Variants in PRKDC observed in about 807,000 individuals in gnomAD.
PRKDC encodes the protein protein kinase, DNA-activated, catalytic subunit.
PRKDC carries 82 observed loss-of-function variants against 486.9 expected under a neutral mutation model. The observed-to-expected ratio is 0.17, with a 90% CI of 0.14 to 0.20. PRKDC has a LOEUF of 0.20. PRKDC is among the 10% of genes least tolerant of loss of function. The pLI is 1.00. For synonymous variants in PRKDC, 1,895 were observed against 1,837.0 expected (o/e 1.03, Z -0.81); for missense variants, 4,504 against 5,038.2 (o/e 0.89, Z 3.21).
intron 63 of PRKDC, 136 bp downstream of exon 63, chr8:47,826,520 G>A (rs1022555574): frequency 1.1e-6 from 1 of 894,082 alleles, no homozygotes; most frequent in Non-Finnish European, 1.7e-6. Context: ...CAGCCTGAAA[G>A]ACTTTTCTTT....
At position 47,904,074 on chromosome 8, in the gene PRKDC, C is replaced by CA. The variant is rs562322632; in HGVS notation, c.3042+794dup. 5.0e-3 allele frequency among the ~76,000 whole-genome samples: 753 copies of CA among 151,140 alleles called. 5 individuals are homozygous for CA. The highest frequency in any genetic ancestry group is 5.7e-3 in the Non-Finnish European group (383 of 67,702). On this transcript the variant is annotated intron_variant, in intron 26 of 85. Coordinates refer to ENST00000314191, the MANE Select transcript of PRKDC (RefSeq NM_006904.7). The stretch of plus-strand genomic sequence containing the variant: ...TCAAAATTTATAGTAAAATAAGCAT[C>CA]AAAAAAAAACTACAATTTAGCTGGC...
At chr8:47,951,128 G>C (rs950994834) in intron 7 of PRKDC, among the ~76,000 whole-genome samples, 1 of 152,184 alleles carries the variant, frequency 6.6e-6, no homozygotes, top group Non-Finnish European at 1.5e-5. Context: ...CAGCACTTTG[G>C]GAGGCCAAGG....
intron 51 of PRKDC, among the ~76,000 whole-genome samples, chr8:47,853,092 C>T (rs924191202): frequency 5.3e-5 from 8 of 152,302 alleles, no homozygotes; most frequent in African/African-American, 1.2e-4. Context: ...TCCAAGATCA[C>T]GGGACACTGA....
In PRKDC at chr8:47,890,992, G is replaced by GGT. The variant is rs529345640; in HGVS notation, c.3848-514_3848-513dup. ...CAAATTATGGAGCAGTCTTCAAGCAGGTGTGGACAGGCACCAGTCATCTTA... is the reference window on the plus strand; with the variant it reads ...CAAATTATGGAGCAGTCTTCAAGCAGGTGTGTGGACAGGCACCAGTCATCTTA... On this transcript the variant is annotated intron_variant, in intron 31 of 85. Coordinates refer to ENST00000314191, the MANE Select transcript of PRKDC (RefSeq NM_006904.7). Among the ~76,000 whole-genome samples the GGT allele has an allele frequency of 3.3e-4, 51 of 152,258 alleles. 1 individual carries two copies. The East Asian group carries it at 6.4e-3, about 19-fold the overall frequency.
rs1207910844 is a variant in PRKDC, at chr8:47,788,991, A to G, written c.10817T>C (p.Ile3606Thr). Residue 3606 changes from isoleucine (I) to threonine (T), a missense_variant, in exon 76 of 86, where the codon ATT becomes ACT. Ile to Thr is a moderately conservative substitution (Grantham distance 89). Around this residue, in one of 6 missense-constraint regions of PRKDC, gnomAD observed 706 missense variants for 945.0 expected, o/e 0.75. Transcript: ENST00000314191. ...LAKTPVNKKN[I>T]EKMYERMYAA... is the part of the protein sequence containing the mutation. ...ATACATTCTTTCATACATTTTTTCA[A>G]TGTTTTTTTTATTTACAGGGGTTTT... is the stretch of plus-strand genomic sequence containing the variant. 4 of 1,613,308 alleles carry G rather than the reference A, an allele frequency of 2.5e-6. No individual in the cohort carries two copies. Among genetic ancestry groups the G allele is most frequent in the African/African-American group, 1.3e-5 (1 of 74,884 alleles).
chr8:47,933,469 A>G (rs1051861067), intron 15 of PRKDC, among the ~76,000 whole-genome samples: 1 of 152,222 alleles, frequency 6.6e-6, no homozygotes, highest in Non-Finnish European at 1.5e-5. Flanking sequence ...ATTTACCCCA[A>G]TTAATCTGTG....
At chr8:47,901,831 C>T (rs925014358) in intron 27 of PRKDC, among the ~76,000 whole-genome samples, 3 of 152,028 alleles carry the variant, frequency 2.0e-5, no homozygotes, top group African/African-American at 4.8e-5. Flanking sequence ...ACACAATATT[C>T]CTAATAAGGA....
In PRKDC at chr8:47,897,174, A is replaced by G; in HGVS notation, c.3585T>C (p.Val1195=). ...HKSIELFYKF[V]PLLPGNRSPN... ...AGATTACCATACCTGGCAATAAAGGAACGAATTTATAAAAGAGTTCAATGG... is the reference window on the plus strand; with the variant it reads ...AGATTACCATACCTGGCAATAAAGGGACGAATTTATAAAAGAGTTCAATGG... The change falls in exon 30 of 86, where the codon GTT becomes GTC. Residue 1195 remains valine, a synonymous_variant. Coordinates refer to ENST00000314191, the MANE Select transcript of PRKDC (RefSeq NM_006904.7). 1 of 1,598,588 alleles carries G rather than the reference A, an allele frequency of 6.3e-7. No homozygotes were observed. Among genetic ancestry groups the G allele is most frequent in the Middle Eastern group, 1.7e-4 (1 of 6,002 alleles).
rs8178160 is a variant in PRKDC at position 47,854,262 on chromosome 8, G to T, written c.6762-48C>A. 1.1e-3 allele frequency: 1,817 copies of T among 1,588,192 alleles called. 30 individuals are homozygous for T. In the African/African-American group the frequency reaches 0.022, roughly 20 times the overall value. ...AAAATTGAGACTGTTGCATAATCAA[G>T]TAAGAAGCAGGAAGACAAATACAGA... On this transcript the variant is annotated intron_variant, in intron 50 of 85. Coordinates refer to ENST00000314191, the MANE Select transcript of PRKDC (RefSeq NM_006904.7).
At chr8:47,893,615 C>T (rs1157944340) in intron 30 of PRKDC, among the ~76,000 whole-genome samples, 1 of 152,212 alleles carries the variant, frequency 6.6e-6, no homozygotes, top group Non-Finnish European at 1.5e-5. Context: ...TAGCTGCATA[C>T]TAATACTCTT....
At chr8:47,805,582 G>T (rs890541861) in intron 69 of PRKDC, among the ~76,000 whole-genome samples, 2 of 152,132 alleles carry the variant, frequency 1.3e-5, no homozygotes, top group Non-Finnish European at 2.9e-5. Context: ...CATTACATGA[G>T]TTGTCTTTAT....
intron 66 of PRKDC, among the ~76,000 whole-genome samples, chr8:47,820,449 A>C (rs2087563028): frequency 6.6e-6 from 1 of 152,064 alleles, no homozygotes; most frequent in African/African-American, 2.4e-5. Context: ...AAGGTAACAA[A>C]AAGGAAAAAA....
chr8:47,820,749 G>A lies in PRKDC; in HGVS notation c.9306C>T (p.Tyr3102=), dbSNP rs2087573431. 6.3e-7 allele frequency: 1 copy of A among 1,580,950 alleles called. No individual in the cohort carries two copies. Among genetic ancestry groups the A allele is most frequent in the African/African-American group, 1.3e-5 (1 of 74,112 alleles). Residue 3102 remains tyrosine, a synonymous_variant, in exon 66 of 86, where the codon TAC becomes TAT. Coordinates refer to ENST00000314191, the MANE Select transcript of PRKDC (RefSeq NM_006904.7). ...TAAAACTCTGAATGCCATTTTGAAT[G>A]TAATATTTGGCTCTGTCAACATCAT... ...LQDDVDRAKY[Y]IQNGIQSFMQ...
intron 41 of PRKDC, among the ~76,000 whole-genome samples, chr8:47,864,157 G>A (rs1485336744): frequency 1.3e-5 from 2 of 152,196 alleles, no homozygotes; most frequent in African/African-American, 4.8e-5. Flanking sequence ...AGAAGGATGT[G>A]TAGGGAGATT....
At chr8:47,927,924 A>G (rs1183915070) in intron 19 of PRKDC, 34 bp from the exon 20 acceptor site, 1 of 1,428,878 alleles carries the variant, frequency 7.0e-7, no homozygotes, top group Non-Finnish European at 9.2e-7. Context: ...TGTATATCTG[A>G]ATAGAGCCTA....
At chr8:47,858,394 AT>A in intron 48 of PRKDC, 121 bp downstream of exon 48, 1 of 963,000 alleles carries the variant, frequency 1.0e-6, no homozygotes, top group South Asian at 2.0e-5. Context: ...GCCCCTTTAT[AT>A]TTTCCTTTTT....
chr8:47,835,646 A>AAAG (rs2088002570), intron 58 of PRKDC, among the ~76,000 whole-genome samples: 1 of 150,588 alleles, frequency 6.6e-6, no homozygotes, highest in African/African-American at 2.4e-5. Flanking sequence ...AAAAAAAAAA[A>AAAG]AAAGGAAAAT....
At chr8:47,809,646 C>G (rs1169951887) in intron 68 of PRKDC, among the ~76,000 whole-genome samples, 3 of 152,112 alleles carry the variant, frequency 2.0e-5, no homozygotes, top group Non-Finnish European at 4.4e-5. Context: ...GAGAATAAAC[C>G]AAGAAGAGAA....
chr8:47,826,001 T>G (rs998931208), intron 63 of PRKDC, among the ~76,000 whole-genome samples: 1 of 152,242 alleles, frequency 6.6e-6, no homozygotes, highest in Admixed American at 6.5e-5. Context: ...AGGACAGACA[T>G]GAATTAACTA....
Sources: gnomAD v4.1 joint callset for allele counts (sites outside exome capture counted in the v4.1 genomes callset) on GRCh38, gnomAD v4.1.1 for gene constraint, gnomAD v4.1.1 regional missense constraint, MANE v1.5 for transcripts, NCBI Gene and HGNC (gene_info 2026-07-23, HGNC 2026-07-21) for gene names.